The following RAD51B variants were observed in gnomAD, a reference collection of about 807,000 sequenced individuals.
RAD51B encodes the protein DNA repair protein RAD51 homolog 2.
A neutral mutation model predicts 42.2 loss-of-function variants in RAD51B; 38 were observed. The observed-to-expected ratio is 0.90, with a 90% CI of 0.70 to 1.18. The LOEUF is 1.18. Ranked by LOEUF, RAD51B falls within the 50% of genes most tolerant of loss-of-function variation. RAD51B has a pLI of 0.00. For missense variants in RAD51B, 373 were observed against 400.7 expected, an observed-to-expected ratio of 0.93 and a Z score of 0.59; for synonymous variants, 154 against 145.2, an observed-to-expected ratio of 1.06 and a Z score of -0.43.
At chr14:68,059,091 C>T (rs1390797731) in intron 7 of RAD51B, among the ~76,000 whole-genome samples, 1 of 152,110 alleles carries the variant, frequency 6.6e-6, no homozygotes, top group African/African-American at 2.4e-5. Context: ...AAGCTTAAGC[C>T]CCCAAATCAG....
At chr14:68,479,594 T>C (rs766154310), downstream of RAD51B, among the ~76,000 whole-genome samples, 17 of 152,030 alleles carry the variant, frequency 1.1e-4, no homozygotes, top group Non-Finnish European at 2.2e-4. Flanking sequence ...CCTGACTGTC[T>C]ACTCTTCATC....
chr14:68,090,940 G>T (rs1011904813), intron 7 of RAD51B, among the ~76,000 whole-genome samples: 1 of 145,000 alleles, frequency 6.9e-6, no homozygotes, highest in Admixed American at 7.3e-5. Flanking sequence ...CTATGAGTGA[G>T]AACATGCGGT....
intron 10 of RAD51B, among the ~76,000 whole-genome samples, chr14:68,638,496 CTGGGA>C (rs1892386080): frequency 6.6e-6 from 1 of 152,086 alleles, no homozygotes; most frequent in South Asian, 2.1e-4. Context: ...TCTGAATGTG[CTGGGA>C]GGAGGGAGAT....
intron 3 of RAD51B, among the ~76,000 whole-genome samples, chr14:67,829,629 G>A (rs542138104): frequency 5.8e-4 from 88 of 152,218 alleles, no homozygotes; most frequent in Middle Eastern, 3.4e-3. Flanking sequence ...CATTGGCTTA[G>A]TTTTAGTTCA....
At chr14:68,031,650 G>T (rs553294331) in intron 7 of RAD51B, among the ~76,000 whole-genome samples, 2 of 152,078 alleles carry the variant, frequency 1.3e-5, no homozygotes, top group African/African-American at 4.8e-5. Context: ...GCAACATGAA[G>T]AAACCCTGGT....
At chr14:68,608,637 C>G (rs540055211) in intron 10 of RAD51B, among the ~76,000 whole-genome samples, 2 of 152,298 alleles carry the variant, frequency 1.3e-5, no homozygotes, top group East Asian at 3.9e-4. Flanking sequence ...CTTTCATGCC[C>G]TCCCCTCACC....
intron 7 of RAD51B, among the ~76,000 whole-genome samples, chr14:68,231,727 T>A (rs953471627): frequency 1.3e-5 from 2 of 152,234 alleles, no homozygotes; most frequent in African/African-American, 4.8e-5. Context: ...AGGACTTGGA[T>A]CTTTTCTAGT....
chr14:68,127,182 T>G (rs939617351), intron 7 of RAD51B, among the ~76,000 whole-genome samples: 31 of 152,192 alleles, frequency 2.0e-4, no homozygotes, highest in African/African-American at 7.5e-4. Context: ...AAAGGAGATT[T>G]TGTCTTATTT....
At chr14:68,223,167 C>T (rs193188823) in intron 7 of RAD51B, among the ~76,000 whole-genome samples, 35 of 152,304 alleles carry the variant, frequency 2.3e-4, no homozygotes, top group African/African-American at 7.9e-4. Context: ...AATTTTGAGG[C>T]GTAGAAACTT....
At chr14:68,044,497 T>G (rs1262241481) in intron 7 of RAD51B, among the ~76,000 whole-genome samples, 1 of 152,206 alleles carries the variant, frequency 6.6e-6, no homozygotes, top group East Asian at 1.9e-4. Flanking sequence ...ACTTAGTTTG[T>G]CAGAATATTA....
chr14:68,480,924 A>C (rs984094377), downstream of RAD51B, among the ~76,000 whole-genome samples: 1 of 152,176 alleles, frequency 6.6e-6, no homozygotes, highest in Non-Finnish European at 1.5e-5. Context: ...TATCCTACCA[A>C]GTATTGCCAG....
intron 7 of RAD51B, among the ~76,000 whole-genome samples, chr14:67,960,329 C>A (rs780271566): frequency 9.2e-5 from 14 of 152,184 alleles, no homozygotes; most frequent in South Asian, 2.1e-4. Context: ...TCTATAACAT[C>A]ATTTCATCTC....
intron 7 of RAD51B, among the ~76,000 whole-genome samples, chr14:68,241,657 G>C (rs1313942795): frequency 6.6e-6 from 1 of 151,968 alleles, no homozygotes; most frequent in Admixed American, 6.5e-5. Flanking sequence ...AAATTTTTTA[G>C]TTCTCAGGTT....
chr14:68,379,802 G>A (rs985113218), intron 8 of RAD51B, among the ~76,000 whole-genome samples: 33 of 152,172 alleles, frequency 2.2e-4, no homozygotes, highest in African/African-American at 7.5e-4. Flanking sequence ...TTTTAATCAA[G>A]GCAACTGTTG....
chr14:68,122,524 TA>T (rs1434788587), intron 7 of RAD51B, among the ~76,000 whole-genome samples: 16 of 152,154 alleles, frequency 1.1e-4, no homozygotes, highest in African/African-American at 3.9e-4. Flanking sequence ...TTATTGAAGA[TA>T]AAGAAGCTTG....
chr14:68,469,054 A>C (rs1249300896), intron 10 of RAD51B: 2 of 494,404 alleles, frequency 4.0e-6, no homozygotes, highest in African/African-American at 1.9e-5. Context: ...AAGGATCTGC[A>C]CAGAAGTGCT....
intron 7 of RAD51B, among the ~76,000 whole-genome samples, chr14:67,892,064 G>C (rs2043235562): frequency 6.6e-6 from 1 of 152,070 alleles, no homozygotes; most frequent in African/African-American, 2.4e-5. Context: ...GTAATTTTTG[G>C]TTTACTCTTA....
intron 10 of RAD51B, among the ~76,000 whole-genome samples, chr14:68,505,673 C>T (rs1306211652): frequency 1.3e-5 from 2 of 151,690 alleles, no homozygotes; most frequent in East Asian, 3.9e-4. Context: ...GCCTCAGCCT[C>T]CCGAGTAGCT....
At chr14:68,295,861 G>A (rs759355069) in intron 8 of RAD51B, among the ~76,000 whole-genome samples, 1 of 152,116 alleles carries the variant, frequency 6.6e-6, no homozygotes, top group South Asian at 2.1e-4. Context: ...TCTATTACAG[G>A]ACAGGGTAGA....
Sources: gnomAD v4.1 joint callset for allele counts (sites outside exome capture counted in the v4.1 genomes callset) on GRCh38, gnomAD v4.1.1 for gene constraint, MANE v1.5 for transcripts, NCBI Gene and HGNC (gene_info 2026-07-23, HGNC 2026-07-21) for gene names.